Variants in FAM185A observed in about 807,000 individuals in gnomAD.
FAM185A encodes the protein protein FAM185A.
Under a neutral mutation model 45.7 loss-of-function variants are expected in FAM185A, and 21 were observed. That is an observed-to-expected ratio of 0.46 (90% CI 0.33 to 0.66). FAM185A has a LOEUF of 0.66. Ranked by LOEUF, FAM185A falls within the 30% of genes least tolerant of loss-of-function variation. FAM185A has a pLI of 0.03. For synonymous variants in FAM185A, 117 were observed against 194.0 expected (o/e 0.60, Z 3.30); for missense variants, 305 against 485.4 (o/e 0.63, Z 3.49).
chr7:102,789,926 T>TAA (rs1001524068), intron 7 of FAM185A, among the ~76,000 whole-genome samples: 2 of 152,182 alleles, frequency 1.3e-5, no homozygotes, highest in African/African-American at 4.8e-5. Context: ...TTTTACTGGG[T>TAA]AAAGAATGTC....
chr7:102,846,913 C>G, the FAM185A span, among the ~76,000 whole-genome samples: 1 of 152,080 alleles, frequency 6.6e-6, no homozygotes, highest in African/African-American at 2.4e-5. Context: ...GCCTGCCCAG[C>G]TAACCTGTAG....
chr7:102,763,548 C>T (rs1794221357), intron 4 of FAM185A, among the ~76,000 whole-genome samples: 1 of 152,184 alleles, frequency 6.6e-6, no homozygotes, highest in Non-Finnish European at 1.5e-5. Flanking sequence ...AGCTCTGAAG[C>T]TGGGATGGTC....
chr7:102,785,495 G>C (rs1335190261), intron 6 of FAM185A, among the ~76,000 whole-genome samples: 1 of 152,144 alleles, frequency 6.6e-6, no homozygotes, highest in Non-Finnish European at 1.5e-5. Flanking sequence ...CAGATCAATG[G>C]AACAGAACAG....
intron 4 of FAM185A, among the ~76,000 whole-genome samples, chr7:102,768,277 A>G (rs2129435683): frequency 6.9e-6 from 1 of 144,354 alleles, no homozygotes; most frequent in East Asian, 2.0e-4. Flanking sequence ...CCTGTTTTAT[A>G]CCTCTGAGTT....
chr7:102,783,661 G>A (rs1444620388), intron 6 of FAM185A, among the ~76,000 whole-genome samples: 1 of 151,960 alleles, frequency 6.6e-6, no homozygotes, highest in Non-Finnish European at 1.5e-5. Context: ...AGAATCTCTG[G>A]TATGCTCTGG....
intron 7 of FAM185A, among the ~76,000 whole-genome samples, chr7:102,807,976 G>C (rs1797230510): frequency 6.6e-6 from 1 of 152,168 alleles, no homozygotes; most frequent in Non-Finnish European, 1.5e-5. Flanking sequence ...CCGGAGAACC[G>C]CTTGAACCCA....
rs375724035 is a variant in FAM185A at position 102,764,340 on chromosome 7, A to G, written c.793+2929A>G. Among the ~76,000 whole-genome samples, 542 of 138,598 alleles carry G rather than the reference A, an allele frequency of 3.9e-3. 2 individuals carry two copies. The highest frequency in any genetic ancestry group is 0.015 in the East Asian group (59 of 4,064). The allele number at this position is 138,598 out of a possible 152,430, so 90.9% of individuals were successfully genotyped here. On this transcript the variant is annotated intron_variant, in intron 4 of 7. Coordinates refer to ENST00000413034, the MANE Select transcript of FAM185A (RefSeq NM_001145268.2). Reference sequence around the variant, plus strand: ...TAAGTTTCTTGCCTTCCTCTCCCCTATCACCTCTATTTCCATCCTTGTCCT... The same window carrying G: ...TAAGTTTCTTGCCTTCCTCTCCCCTGTCACCTCTATTTCCATCCTTGTCCT...
intron 6 of FAM185A, among the ~76,000 whole-genome samples, chr7:102,784,435 T>TA (rs1233064261): frequency 6.6e-6 from 1 of 152,174 alleles, no homozygotes; most frequent in Non-Finnish European, 1.5e-5. Context: ...AAATCCTCAA[T>TA]AAAATATTGG....
At chr7:102,787,623 T>C (rs142334520) in intron 7 of FAM185A, among the ~76,000 whole-genome samples, 154 bp downstream of exon 7, 11,879 of 146,784 alleles carry the variant, frequency 0.081, no homozygotes, top group Non-Finnish European at 0.12. Flanking sequence ...TTGCTTATCA[T>C]TAATATGATG....
intron 7 of FAM185A, among the ~76,000 whole-genome samples, chr7:102,808,076 A>AAACAC (rs1797241398): frequency 1.3e-5 from 2 of 152,102 alleles, no homozygotes; most frequent in Admixed American, 6.6e-5. Context: ...AAACAAAACA[A>AAACAC]AACACAGAGT....
chr7:102,783,268 A>G (rs2129440217), intron 6 of FAM185A, among the ~76,000 whole-genome samples: 1 of 152,306 alleles, frequency 6.6e-6, no homozygotes, highest in Non-Finnish European at 1.5e-5. Context: ...AAGGATATTC[A>G]GGAATTGAAC....
chr7:102,801,270 C>A (rs991191099), intron 7 of FAM185A, among the ~76,000 whole-genome samples: 12 of 152,052 alleles, frequency 7.9e-5, no homozygotes, highest in African/African-American at 2.9e-4. Flanking sequence ...CAAAACAGAA[C>A]CTCTTTAAGA....
At chr7:102,787,998 T>C (rs149972146) in intron 7 of FAM185A, among the ~76,000 whole-genome samples, 1 of 152,186 alleles carries the variant, frequency 6.6e-6, no homozygotes, top group Non-Finnish European at 1.5e-5. Flanking sequence ...AGAGTCTTAC[T>C]CTATTGCCCA....
rs1321925049 is a variant in FAM185A, at chr7:102,782,972, A to C, written c.932-4363A>C. Among the ~76,000 whole-genome samples, 6 of 151,568 alleles carry C rather than the reference A, an allele frequency of 4.0e-5. No homozygotes were observed. In the East Asian group the frequency reaches 1.2e-3, roughly 30 times the overall value. On this transcript the variant is annotated intron_variant, in intron 6 of 7. Transcript: ENST00000413034. ...GGAGGAAGATCTACCAAGCAAATAG[A>C]AAACAAAAAAAGGCAGGGGTTGCAA...
At chr7:102,801,863 A>T (rs1796815357) in intron 7 of FAM185A, among the ~76,000 whole-genome samples, 1 of 151,950 alleles carries the variant, frequency 6.6e-6, no homozygotes, top group Non-Finnish European at 1.5e-5. Flanking sequence ...CAGAGGTTGC[A>T]GTGAGCTGAG....
At chr7:102,845,137 C>T in the FAM185A span, among the ~76,000 whole-genome samples, 1 of 152,126 alleles carries the variant, frequency 6.6e-6, no homozygotes, top group Non-Finnish European at 1.5e-5. Flanking sequence ...GCTCAATCTC[C>T]AGCCCCTCTC....
chr7:102,812,840 CTT>C (rs908090315), downstream of FAM185A, among the ~76,000 whole-genome samples: 1,372 of 122,496 alleles, frequency 0.011, 11 homozygotes, highest in African/African-American at 0.039. Context: ...GATTTGGCTT[CTT>C]TTTTTTTTTT....
intron 6 of FAM185A, among the ~76,000 whole-genome samples, chr7:102,786,828 TA>T (rs202246667): frequency 5.1e-4 from 53 of 104,084 alleles, no homozygotes; most frequent in Middle Eastern, 4.8e-3. Flanking sequence ...TAAAGTATAA[TA>T]AAAAAAAAAA....
At chr7:102,792,595 T>C (rs1346576401) in intron 7 of FAM185A, among the ~76,000 whole-genome samples, 1 of 105,422 alleles carries the variant, frequency 9.5e-6, no homozygotes. Flanking sequence ...TCTTTACAAC[T>C]CCACAATTTA....
Sources: allele counts gnomAD v4.1 joint callset (sites outside exome capture counted in the v4.1 genomes callset), GRCh38; gene constraint gnomAD v4.1.1; transcripts MANE v1.5; gene names NCBI Gene and HGNC (gene_info 2026-07-23, HGNC 2026-07-21).